Variants in ABCG8 observed in about 807,000 individuals in gnomAD.
ABCG8 encodes ATP binding cassette subfamily G member 8.
ABCG8 carries 81 observed loss-of-function variants against 71.3 expected under a neutral mutation model. That is an observed-to-expected ratio of 1.14 (90% CI 0.95 to 1.37). The LOEUF is 1.37. Among genes scored for constraint, ABCG8 ranks in the 40% most tolerant of loss-of-function variants. The pLI is 0.00. For missense variants in ABCG8, 1,119 were observed against 866.2 expected (o/e 1.29, Z -3.66); for synonymous variants, 451 against 354.7 (o/e 1.27, Z -3.05).
chr2:43,869,390 GA>G (rs937505359), intron 6 of ABCG8, among the ~76,000 whole-genome samples: 2 of 151,138 alleles, frequency 1.3e-5, no homozygotes, highest in African/African-American at 4.9e-5. Context: ...TCAACATCTG[GA>G]TAGAACTCTT....
At chr2:43,851,500 C>CT in intron 3 of ABCG8, 84 bp from the exon 4 acceptor site, 1 of 1,484,040 alleles carries the variant, frequency 6.7e-7, no homozygotes, top group South Asian at 1.1e-5. Context: ...GTCCGGGGTC[C>CT]TGGAGAGTGT....
In ABCG8 at chr2:43,875,428, C is replaced by G; in HGVS notation, c.1756+15C>G. The stretch of plus-strand genomic sequence containing the variant: ...CCTGTGGACAGGTAAGGCCTGCCCC[C>G]GGGGCCTGGGCCAGCTTTGTTAGGA... On this transcript the variant is annotated intron_variant, in intron 11 of 12. Coordinates refer to ENST00000272286, the MANE Select transcript of ABCG8 (RefSeq NM_022437.3). The G allele has an allele frequency of 6.2e-7, 1 of 1,609,640 alleles. No individual in the cohort carries two copies. Among genetic ancestry groups the G allele is most frequent in the Non-Finnish European group, 8.5e-7 (1 of 1,177,224 alleles).
chr2:43,877,973 C>T lies in ABCG8; in HGVS notation c.*60C>T. The T allele has an allele frequency of 6.2e-7, 1 of 1,612,018 alleles. No homozygotes were observed. The highest frequency in any genetic ancestry group is 2.2e-5 in the East Asian group (1 of 44,846). On this transcript the variant is annotated 3_prime_UTR_variant, in exon 13 of 13. Coordinates refer to ENST00000272286, the MANE Select transcript of ABCG8 (RefSeq NM_022437.3). ...TGAGCAGACCCTTCAACTGCACTCCCTCCTCAGGAGCCCCTTCCTGGGGAC... is the reference window on the plus strand; with the variant it reads ...TGAGCAGACCCTTCAACTGCACTCCTTCCTCAGGAGCCCCTTCCTGGGGAC...
rs1178589176 is a variant in ABCG8, at chr2:43,856,301, T to G, written c.964+3433T>G. Among the ~76,000 whole-genome samples the G allele has an allele frequency of 3.3e-5, 5 of 151,940 alleles. No individual in the cohort carries two copies. The East Asian group carries it at 7.8e-4, about 24-fold the overall frequency. On this transcript the variant is annotated intron_variant, in intron 6 of 12. Coordinates refer to ENST00000272286, the MANE Select transcript of ABCG8 (RefSeq NM_022437.3). ...GGAATTCTCACTCTCTGGATAGAAC[T>G]CTCACTCTCTTTGTGGATAGAACTC... is the stretch of plus-strand genomic sequence containing the variant.
chr2:43,853,529 G>A (rs1259537354), intron 6 of ABCG8, among the ~76,000 whole-genome samples: 1 of 151,400 alleles, frequency 6.6e-6, no homozygotes, highest in Non-Finnish European at 1.5e-5. Context: ...CAGGGAGACA[G>A]CTGTCATGGC....
chr2:43,881,944 C>CGTACA lies in ABCG8; in HGVS notation c.*4033_*4037dup, dbSNP rs1670142911. ...TGAGAGCAGCTGTAGACTATAGTAA[C>CGTACA]GTACAGCCGGTGTGGCTGTCTTCTA... On this transcript the variant is annotated 3_prime_UTR_variant, in exon 13 of 13. Transcript: ENST00000272286. 1 of 152,154 alleles carries CGTACA rather than the reference C, an allele frequency of 6.6e-6. No individual in the cohort carries two copies. Among genetic ancestry groups the CGTACA allele is most frequent in the African/African-American group, 2.4e-5 (1 of 41,428 alleles). 9.4% of individuals were successfully genotyped at this position (152,154 alleles called of 1,614,324 possible). A position where few individuals can be genotyped will look rare whatever the true frequency, so the allele number is the denominator to read the frequency against.
chr2:43,852,296 T>G, intron 4 of ABCG8, 58 bp from the exon 5 acceptor site: 6 of 1,610,820 alleles, frequency 3.7e-6, no homozygotes, highest in Non-Finnish European at 3.4e-6. Flanking sequence ...GGGGTCACAA[T>G]GTGTCCAGCC....
chr2:43,866,320 G>T lies in ABCG8; in HGVS notation c.965-5656G>T, dbSNP rs550600209. On this transcript the variant is annotated intron_variant, in intron 6 of 12. Transcript: ENST00000272286. ...CATGTCTAAAACACCAAAAGCAATG[G>T]CAACAAAAGCCAAAATTGACAAATG... is the stretch of plus-strand genomic sequence containing the variant. Among the ~76,000 whole-genome samples the T allele has an allele frequency of 4.6e-3, 693 of 151,776 alleles. 7 individuals are homozygous for T. Among genetic ancestry groups the T allele is most frequent in the African/African-American group, 0.016 (677 of 41,322 alleles).
chr2:43,840,364 G>C (rs530802349), intron 1 of ABCG8, among the ~76,000 whole-genome samples: 69 of 152,332 alleles, frequency 4.5e-4, no homozygotes, highest in Admixed American at 2.2e-3. Flanking sequence ...GAAAGTCAGC[G>C]GGACTTTGGG....
intron 6 of ABCG8, among the ~76,000 whole-genome samples, chr2:43,862,309 T>C (rs1669352377): frequency 6.6e-6 from 1 of 151,236 alleles, no homozygotes; most frequent in Non-Finnish European, 1.5e-5. Context: ...GGTAGAACTC[T>C]CACTATCTAT....
At chr2:43,870,341 G>A (rs1390725405) in intron 6 of ABCG8, among the ~76,000 whole-genome samples, 1 of 151,570 alleles carries the variant, frequency 6.6e-6, no homozygotes, top group Non-Finnish European at 1.5e-5. Flanking sequence ...CTATCTATAT[G>A]GAAAGAATTC....
intron 2 of ABCG8, among the ~76,000 whole-genome samples, chr2:43,845,389 C>A (rs886271657): frequency 2.0e-5 from 3 of 152,048 alleles, no homozygotes; most frequent in Non-Finnish European, 4.4e-5. Flanking sequence ...TGACCTTGAG[C>A]AAGTTGCTTA....
At chr2:43,846,027 T>C in intron 2 of ABCG8, 128 bp from the exon 3 acceptor site, 2 of 949,828 alleles carry the variant, frequency 2.1e-6, no homozygotes, top group Non-Finnish European at 3.4e-6. Context: ...TTGGGGCCTA[T>C]TGTGTGTAGG....
intron 1 of ABCG8, among the ~76,000 whole-genome samples, chr2:43,840,586 A>G (rs1668549206): frequency 6.6e-6 from 1 of 152,200 alleles, no homozygotes. Flanking sequence ...ATGTCTAGAT[A>G]TATAAAAGTC....
Position 43,880,300 on chromosome 2 carries a change from A to T in ABCG8, c.*2387A>T, listed in dbSNP as rs1289189767. The stretch of plus-strand genomic sequence containing the variant: ...GCGATTGCCTTGCCTCAGCCTCCCA[A>T]GTAGTTGGGATTAACAGTGCCCACC... On this transcript the variant is annotated 3_prime_UTR_variant, in exon 13 of 13. Coordinates refer to ENST00000272286, the MANE Select transcript of ABCG8 (RefSeq NM_022437.3). 5 of 151,348 alleles carry T rather than the reference A, an allele frequency of 3.3e-5. No individual in the cohort carries two copies. The highest frequency in any genetic ancestry group is 7.4e-5 in the Non-Finnish European group (5 of 67,978). 9.4% of individuals were successfully genotyped at this position (151,348 alleles called of 1,614,324 possible). A position where few individuals can be genotyped will look rare whatever the true frequency, so the allele number is the denominator to read the frequency against.
At chr2:43,861,718 T>G (rs918746913) in intron 6 of ABCG8, among the ~76,000 whole-genome samples, 1 of 151,046 alleles carries the variant, frequency 6.6e-6, no homozygotes, top group South Asian at 2.1e-4. Flanking sequence ...ACTCCCCAGA[T>G]AGTGGACACT....
chr2:43,852,270 G>C, intron 4 of ABCG8, 84 bp from the exon 5 acceptor site: 1 of 1,592,242 alleles, frequency 6.3e-7, no homozygotes, highest in Non-Finnish European at 8.6e-7. Context: ...CCGGAGGAGC[G>C]GGCGCCTTTA....
intron 6 of ABCG8, among the ~76,000 whole-genome samples, chr2:43,859,874 A>G (rs1416279095): frequency 6.6e-6 from 1 of 151,264 alleles, no homozygotes; most frequent in African/African-American, 2.4e-5. Context: ...TCTGGATAGA[A>G]CTCTCACTAT....
chr2:43,856,173 T>C (rs1669098954), intron 6 of ABCG8, among the ~76,000 whole-genome samples: 1 of 152,138 alleles, frequency 6.6e-6, no homozygotes, highest in South Asian at 2.1e-4. Context: ...TGGATAGAAC[T>C]CTCACTATCT....
Sources: allele counts gnomAD v4.1 joint callset (sites outside exome capture counted in the v4.1 genomes callset), GRCh38; gene constraint gnomAD v4.1.1; transcripts MANE v1.5; gene names NCBI Gene and HGNC (gene_info 2026-07-23, HGNC 2026-07-21).